Variants in ZNF804B observed in about 807,000 individuals in gnomAD.
ZNF804B encodes the protein zinc finger protein 804B.
A neutral mutation model predicts 101.4 loss-of-function variants in ZNF804B; 80 were observed. That is an observed-to-expected ratio of 0.79 (90% CI 0.66 to 0.95). ZNF804B has a LOEUF of 0.95. ZNF804B is among the 40% of genes least tolerant of loss of function. The probability of loss-of-function intolerance (pLI) is 0.00; values close to 1 mark genes in which losing one functional copy is unlikely to be tolerated. For synonymous variants in ZNF804B, 622 were observed against 558.8 expected, an observed-to-expected ratio of 1.11 and a Z score of -1.59; for missense variants, 1,673 against 1,561.9, an observed-to-expected ratio of 1.07 and a Z score of -1.20.
intron 1 of ZNF804B, among the ~76,000 whole-genome samples, chr7:89,166,660 T>A (rs1476925016): frequency 6.6e-6 from 1 of 152,200 alleles, no homozygotes; most frequent in Non-Finnish European, 1.5e-5. Flanking sequence ...ACTGGTGCTT[T>A]ATGTAAGTCC....
chr7:89,112,476 AT>A (rs1268172083), intron 1 of ZNF804B, among the ~76,000 whole-genome samples: 1 of 152,002 alleles, frequency 6.6e-6, no homozygotes, highest in Non-Finnish European at 1.5e-5. Context: ...CAATTGATCT[AT>A]TTGTCTGTTC....
chr7:88,922,270 G>T (rs143676141), intron 1 of ZNF804B, among the ~76,000 whole-genome samples: 8 of 152,114 alleles, frequency 5.3e-5, no homozygotes, highest in African/African-American at 1.7e-4. Context: ...CAGCAGTTTT[G>T]CTGGGAACTG....
intron 1 of ZNF804B, among the ~76,000 whole-genome samples, chr7:88,833,630 A>C (rs951786064): frequency 2.0e-5 from 3 of 151,974 alleles, no homozygotes; most frequent in Non-Finnish European, 4.4e-5. Context: ...TAATGCAAAA[A>C]ATCAGTTGCC....
In ZNF804B at chr7:88,890,398, G is replaced by A. The variant is rs1792199093; in HGVS notation, c.108+130314G>A. ...ATATCAATTGAGTACATGCCTAGGA[G>A]CATGAGAGCTGGTATTGCATGGTAA... On this transcript the variant is annotated intron_variant, in intron 1 of 3. Transcript: ENST00000333190. 2.6e-5 allele frequency among the ~76,000 whole-genome samples: 4 copies of A among 152,162 alleles called. No homozygotes were observed. The South Asian group carries it at 8.3e-4, about 32-fold the overall frequency.
At chr7:88,832,938 A>G (rs752310535) in intron 1 of ZNF804B, among the ~76,000 whole-genome samples, 3 of 151,948 alleles carry the variant, frequency 2.0e-5, no homozygotes, top group Non-Finnish European at 4.4e-5. Context: ...TGCACTATGA[A>G]CTCTGAGGAA....
At chr7:88,930,255 A>T (rs55923135) in intron 1 of ZNF804B, among the ~76,000 whole-genome samples, 13,579 of 151,930 alleles carry the variant, frequency 0.089, 833 homozygotes, top group South Asian at 0.2. Flanking sequence ...AATTTATTTG[A>T]TTATGTGTTG....
chr7:88,888,391 C>A (rs1306958123), intron 1 of ZNF804B, among the ~76,000 whole-genome samples: 1 of 151,846 alleles, frequency 6.6e-6, no homozygotes, highest in African/African-American at 2.4e-5. Context: ...GAGTCTGCCT[C>A]AAAAATATAT....
chr7:88,834,165 A>G (rs952189817), intron 1 of ZNF804B, among the ~76,000 whole-genome samples: 1 of 151,858 alleles, frequency 6.6e-6, no homozygotes, highest in East Asian at 1.9e-4. Flanking sequence ...GCTGTTCTAT[A>G]TGGAATTATT....
intron 1 of ZNF804B, among the ~76,000 whole-genome samples, chr7:88,922,985 T>G (rs1792743531): frequency 6.6e-6 from 1 of 152,078 alleles, no homozygotes; most frequent in Non-Finnish European, 1.5e-5. Flanking sequence ...ATTAAGTAAT[T>G]ATTGAAGACA....
At chr7:89,034,614 T>C (rs1245632019) in intron 1 of ZNF804B, among the ~76,000 whole-genome samples, 2 of 152,230 alleles carry the variant, frequency 1.3e-5, no homozygotes, top group Non-Finnish European at 2.9e-5. Flanking sequence ...TATTTCATGG[T>C]GTATGTGTGC....
intron 1 of ZNF804B, among the ~76,000 whole-genome samples, chr7:89,171,642 C>T (rs1791238948): frequency 3.3e-5 from 5 of 151,996 alleles, no homozygotes; most frequent in Admixed American, 3.3e-4. Flanking sequence ...ACCATGTTGG[C>T]CAGGCTGGTC....
intron 2 of ZNF804B, among the ~76,000 whole-genome samples, chr7:89,324,365 C>A (rs1037467994): frequency 6.6e-6 from 1 of 151,764 alleles, no homozygotes; most frequent in Non-Finnish European, 1.5e-5. Context: ...TTTCTTTTGA[C>A]AAGTGTTGAC....
chr7:88,822,582 A>C (rs1328873431), intron 1 of ZNF804B, among the ~76,000 whole-genome samples: 2 of 152,212 alleles, frequency 1.3e-5, no homozygotes, highest in Non-Finnish European at 2.9e-5. Flanking sequence ...CTCAATTGTA[A>C]AATTGATTCT....
In ZNF804B at chr7:88,794,801, C is replaced by G. The variant is rs2373396; in HGVS notation, c.108+34717C>G. The G allele has an allele frequency of 0.15, 236,751 of 1,613,358 alleles. 18,049 individuals are homozygous for G. The highest frequency in any genetic ancestry group is 0.21 in the African/African-American group (15,837 of 74,946). ...ATCTTGGCCACTAGAAACATCCTATCAAGAAGGAATTTCTTTAGGTGTAGT... is the reference window on the plus strand; with the variant it reads ...ATCTTGGCCACTAGAAACATCCTATGAAGAAGGAATTTCTTTAGGTGTAGT... On this transcript the variant is annotated intron_variant, in intron 1 of 3. Transcript: ENST00000333190.
chr7:88,783,576 T>C (rs1352672988), intron 1 of ZNF804B, among the ~76,000 whole-genome samples: 1 of 152,092 alleles, frequency 6.6e-6, no homozygotes, highest in African/African-American at 2.4e-5. Context: ...CGAAGGTGAG[T>C]GATGGGTAAA....
At chr7:88,835,885 G>A (rs978842091) in intron 1 of ZNF804B, among the ~76,000 whole-genome samples, 6 of 151,920 alleles carry the variant, frequency 3.9e-5, no homozygotes, top group African/African-American at 9.7e-5. Context: ...TGCAGATTGT[G>A]TGCATGTATA....
At chr7:88,854,540 TTCC>T (rs1173688280) in intron 1 of ZNF804B, among the ~76,000 whole-genome samples, 2 of 78,422 alleles carry the variant, frequency 2.6e-5, no homozygotes, top group African/African-American at 1.4e-4. Flanking sequence ...CCTTCCTTCC[TTCC>T]TTCCTTCCTT....
chr7:88,950,958 T>G lies in ZNF804B; in HGVS notation c.108+190874T>G, dbSNP rs372787268. Among the ~76,000 whole-genome samples, 68 of 151,982 alleles carry G rather than the reference T, an allele frequency of 4.5e-4. No individual in the cohort carries two copies. The East Asian group carries it at 8.6e-3, about 19-fold the overall frequency. On this transcript the variant is annotated intron_variant, in intron 1 of 3. Transcript: ENST00000333190. ...TTTTTTGGCTCAGCTTTTACTCTAG[T>G]TACTGGTACATAACGTACCTCTGAA...
intron 1 of ZNF804B, among the ~76,000 whole-genome samples, chr7:89,178,474 T>C (rs1172033158): frequency 2.6e-5 from 4 of 152,158 alleles, no homozygotes; most frequent in Admixed American, 1.3e-4. Context: ...TTACTTCTTA[T>C]AACCCATCAT....
Sources: gnomAD v4.1 joint callset for allele counts (sites outside exome capture counted in the v4.1 genomes callset) on GRCh38, gnomAD v4.1.1 for gene constraint, MANE v1.5 for transcripts, NCBI Gene and HGNC (gene_info 2026-07-23, HGNC 2026-07-21) for gene names.